The following CCDC59 variants were observed in gnomAD, a reference collection of about 807,000 sequenced individuals.
CCDC59 encodes the protein coiled-coil domain containing 59.
Under a neutral mutation model 30.5 loss-of-function variants are expected in CCDC59, and 27 were observed. The ratio of observed to expected loss-of-function variants is 0.89; its 90% CI spans 0.65 to 1.22. The LOEUF (loss-of-function observed/expected upper bound fraction) is 1.22, where lower values mean the gene tolerates loss of function less well. CCDC59 is among the 50% of genes most tolerant of loss of function. The pLI, the probability that CCDC59 is intolerant of heterozygous loss-of-function variation, is 0.00. For missense variants in CCDC59, 362 were observed against 284.4 expected (o/e 1.27, Z -1.96); for synonymous variants, 125 against 100.9 (o/e 1.24, Z -1.43).
rs1333077458 is a variant in CCDC59 at position 82,353,135 on chromosome 12, T to C, written c.*16A>G. 7 of 1,589,126 alleles carry C rather than the reference T, an allele frequency of 4.4e-6. No individual in the cohort carries two copies. The highest frequency in any genetic ancestry group is 4.1e-5 in the African/African-American group (3 of 73,814). On this transcript the variant is annotated 3_prime_UTR_variant, in exon 4 of 4. Transcript: ENST00000256151. Reference sequence around the variant, plus strand: ...CTAATAGGCAGCAGATATTTTAACCTGTAGGAACAAAATGTTTAACATTTT... The same window carrying C: ...CTAATAGGCAGCAGATATTTTAACCCGTAGGAACAAAATGTTTAACATTTT...
chr12:82,358,789 A>T (rs780334059), upstream of CCDC59: 1 of 1,613,324 alleles, frequency 6.2e-7, no homozygotes, highest in Non-Finnish European at 8.5e-7. Context: ...CTGCCCTCAG[A>T]GACGCGCCCC....
Position 82,353,008 on chromosome 12 carries a change from A to G in CCDC59, c.*143T>C, listed in dbSNP as rs1011930780. On this transcript the variant is annotated 3_prime_UTR_variant, in exon 4 of 4. Transcript: ENST00000256151. Reference sequence around the variant, plus strand: ...GAACATATTTAGAAAATTTTTTACCATAATAAAAATATGTGAACATCTTAT... The same window carrying G: ...GAACATATTTAGAAAATTTTTTACCGTAATAAAAATATGTGAACATCTTAT... The G allele has an allele frequency of 5.0e-6, 3 of 605,302 alleles. 1 individual carries two copies. Among genetic ancestry groups the G allele is most frequent in the South Asian group, 6.1e-5 (2 of 32,764 alleles). 37.5% of individuals were successfully genotyped at this position (605,302 alleles called of 1,614,324 possible).
Position 82,352,549 on chromosome 12 carries a change from T to C in CCDC59, c.*602A>G, listed in dbSNP as rs558729034. 6.6e-6 allele frequency: 1 copy of C among 152,216 alleles called. No individual in the cohort carries two copies. The highest frequency in any genetic ancestry group is 1.5e-5 in the Non-Finnish European group (1 of 68,036). 9.4% of individuals were successfully genotyped at this position (152,216 alleles called of 1,614,324 possible). A position where few individuals can be genotyped will look rare whatever the true frequency, so the allele number is the denominator to read the frequency against. On this transcript the variant is annotated 3_prime_UTR_variant, in exon 4 of 4. Transcript: ENST00000256151. ...GAAAGCTTAATTCTTGCTGTGACAC[T>C]GTGGGGTTTCCATCATTATTTAAAA...
rs1328269354 is a variant in CCDC59 at position 82,353,273 on chromosome 12, T to C, written c.604A>G (p.Arg202Gly). The change falls in exon 4 of 4, where the codon AGG (arginine) becomes GGG (glycine). Residue 202 changes from arginine to glycine, a missense_variant. Physicochemically the swap from Arg to Gly is moderately radical, Grantham distance 125. Coordinates refer to ENST00000256151, the MANE Select transcript of CCDC59 (RefSeq NM_014167.5). ...RRKQEREEAQ[R>G]QYKKKKMEVF... is the part of the protein sequence containing the mutation. ...TCCATTTTCTTCTTTTTGTACTGCC[T>C]TTGGGCTTCTTCTCTCTCCTGTTTT... The C allele has an allele frequency of 6.2e-7, 1 of 1,610,448 alleles. No homozygotes were observed. The highest frequency in any genetic ancestry group is 8.5e-7 in the Non-Finnish European group (1 of 1,178,860).
rs1880990824 is a variant in CCDC59, at chr12:82,355,884, CATG to C, written c.464+1073_464+1075del. 2.0e-5 allele frequency: 3 copies of C among 152,142 alleles called. No individual in the cohort carries two copies. In the South Asian group the frequency reaches 6.2e-4, roughly 31 times the overall value. The allele number at this position is 152,142 out of a possible 1,614,324, so 9.4% of individuals were successfully genotyped here. ...CAAAATAAACCGTAATCTTTAAAAG[CATG>C]ATTTTTTACCTTCCTTTCTCATGAT... On this transcript the variant is annotated intron_variant, in intron 2 of 3. Coordinates refer to ENST00000256151, the MANE Select transcript of CCDC59 (RefSeq NM_014167.5).
In CCDC59 at chr12:82,358,342, G is replaced by C. The variant is rs759016633; in HGVS notation, c.35C>G (p.Pro12Arg). The C allele has an allele frequency of 1.2e-6, 2 of 1,613,942 alleles. No individual in the cohort carries two copies. Among genetic ancestry groups the C allele is most frequent in the Non-Finnish European group, 1.7e-6 (2 of 1,180,018 alleles). ...TTCACCACGCGCCTCAATACCACCAGGCCGCCACTTCGCGGACCGCCTCAC... is the reference window on the plus strand; with the variant it reads ...TTCACCACGCGCCTCAATACCACCACGCCGCCACTTCGCGGACCGCCTCAC... ...APVRRSAKWR[P>R]GGIEARGEGV... Residue 12 changes from proline to arginine, a missense_variant, in exon 1 of 4, where the codon CCT (proline) becomes CGT (arginine). By Grantham distance (103) the Pro-to-Arg change is moderately radical. Transcript: ENST00000256151.
chr12:82,358,280 T>C lies in CCDC59; in HGVS notation c.97A>G (p.Arg33Gly), dbSNP rs765124134. The change falls in exon 1 of 4, where the codon AGA becomes GGA. Residue 33 changes from arginine to glycine, a missense_variant. Transcript: ENST00000256151. ...TGGTTAGGCCGCCATGTCTTCTGTCTCACATTCTTATTCCTGTACCCGACA... is the reference window on the plus strand; with the variant it reads ...TGGTTAGGCCGCCATGTCTTCTGTCCCACATTCTTATTCCTGTACCCGACA... ...STVGYRNKNV[R>G]QKTWRPNHPQ... is the part of the protein sequence containing the mutation. The C allele has an allele frequency of 1.9e-6, 3 of 1,614,052 alleles. No individual in the cohort carries two copies. Among genetic ancestry groups the C allele is most frequent in the Non-Finnish European group, 2.5e-6 (3 of 1,180,040 alleles).
intron 2 of CCDC59, chr12:82,356,757 G>T: frequency 2.2e-6 from 1 of 447,308 alleles, no homozygotes; most frequent in Non-Finnish European, 4.0e-6. Context: ...TTCCCATTAC[G>T]TTACTTTGTC....
In CCDC59 at chr12:82,357,235, T is replaced by C; in HGVS notation, c.189A>G (p.Ile63Met). The change falls in exon 2 of 4, where the codon ATA becomes ATG. Residue 63 changes from isoleucine (I) to methionine (M), a missense_variant. By Grantham distance (10) the Ile-to-Met change is conservative (BLOSUM62 1). Transcript: ENST00000256151. ...QGFAFRRKLK[I>M]QQSYKKLLRK... is the part of the protein sequence containing the mutation. Reference sequence around the variant, plus strand: ...GTAGCAATTTCTTGTAACTTTGCTGTATTTTCAGTTTTCTTCGAAAAGCAA... The same window carrying C: ...GTAGCAATTTCTTGTAACTTTGCTGCATTTTCAGTTTTCTTCGAAAAGCAA... The C allele has an allele frequency of 1.9e-6, 3 of 1,613,710 alleles. No individual in the cohort carries two copies. The highest frequency in any genetic ancestry group is 2.5e-6 in the Non-Finnish European group (3 of 1,179,786).
At position 82,353,330 on chromosome 12, in the gene CCDC59, T is replaced by A. The variant is rs746362430; in HGVS notation, c.565-18A>T. 1.3e-6 allele frequency: 2 copies of A among 1,580,592 alleles called. No individual in the cohort carries two copies. Among genetic ancestry groups the A allele is most frequent in the Non-Finnish European group, 1.7e-6 (2 of 1,165,588 alleles). On this transcript the variant is annotated intron_variant, in intron 3 of 3. Coordinates refer to ENST00000256151, the MANE Select transcript of CCDC59 (RefSeq NM_014167.5). Reference sequence around the variant, plus strand: ...TCGAATTCCTAAAATTATTAACATATGTAACTTTCATTAGCAACAAACAGT... The same window carrying A: ...TCGAATTCCTAAAATTATTAACATAAGTAACTTTCATTAGCAACAAACAGT...
chr12:82,357,010 C>T lies in CCDC59; in HGVS notation c.414G>A (p.Gln138=), dbSNP rs373386670. ...CSIDEPLFED[Q]CSFDQPQPEE... Reference sequence around the variant, plus strand: ...CTGGCTGAGGCTGGTCAAAGCTACACTGATCTTCAAATAAAGGCTCGTCAA... The same window carrying T: ...CTGGCTGAGGCTGGTCAAAGCTACATTGATCTTCAAATAAAGGCTCGTCAA... Residue 138 remains glutamine (Q), a synonymous_variant, in exon 2 of 4, where the codon CAG becomes CAA. Coordinates refer to ENST00000256151, the MANE Select transcript of CCDC59 (RefSeq NM_014167.5). 3.8e-5 allele frequency: 61 copies of T among 1,614,200 alleles called. No individual in the cohort carries two copies. The Admixed American group carries it at 9.7e-4, about 26-fold the overall frequency.
At chr12:82,353,453 T>C (rs1467344581) in intron 3 of CCDC59, 141 bp from the exon 4 acceptor site, 6 of 623,278 alleles carry the variant, frequency 9.6e-6, no homozygotes, top group South Asian at 2.7e-5. Flanking sequence ...TTTCTCCTAA[T>C]TGAAGCAAAG....
intron 1 of CCDC59, 65 bp downstream of exon 1, chr12:82,358,158 A>G (rs1428547277): frequency 6.3e-7 from 1 of 1,584,678 alleles, no homozygotes; most frequent in Non-Finnish European, 8.6e-7. Context: ...TCCAAGCTTC[A>G]GCGAATCTTA....
chr12:82,357,274 A>G lies in CCDC59; in HGVS notation c.155-5T>C, dbSNP rs772493909. ...TTCGAAAAGCAAAGCCTTGTCCTACATTGAGGAATATCATCCAAAATTACT... is the reference window on the plus strand; with the variant it reads ...TTCGAAAAGCAAAGCCTTGTCCTACGTTGAGGAATATCATCCAAAATTACT... On this transcript the variant is annotated splice_region_variant and splice_polypyrimidine_tract_variant and intron_variant, in intron 1 of 3. Transcript: ENST00000256151. 15 of 1,480,714 alleles carry G rather than the reference A, an allele frequency of 1.0e-5. No individual in the cohort carries two copies. The Middle Eastern group carries it at 8.9e-4, about 88-fold the overall frequency. The allele number at this position is 1,480,714 out of a possible 1,614,324, so 91.7% of individuals were successfully genotyped here.
In CCDC59 at chr12:82,357,211, T is replaced by A; in HGVS notation, c.213A>T (p.Leu71=). ...ACGTTTGAGCCTTCTTTTCCTTCCGTAGCAATTTCTTGTAACTTTGCTGTA... is the reference window on the plus strand; with the variant it reads ...ACGTTTGAGCCTTCTTTTCCTTCCGAAGCAATTTCTTGTAACTTTGCTGTA... The part of the protein sequence containing the change: ...LKIQQSYKKL[L]RKEKKAQTSL... The change falls in exon 2 of 4, where the codon CTA becomes CTT. Residue 71 remains leucine (L), a synonymous_variant. Coordinates refer to ENST00000256151, the MANE Select transcript of CCDC59 (RefSeq NM_014167.5). 1 of 1,614,178 alleles carries A rather than the reference T, an allele frequency of 6.2e-7. No individual in the cohort carries two copies. Among genetic ancestry groups the A allele is most frequent in the Admixed American group, 1.7e-5 (1 of 60,030 alleles).
chr12:82,356,821 T>C, intron 2 of CCDC59, 139 bp downstream of exon 2: 4 of 661,060 alleles, frequency 6.1e-6, no homozygotes, highest in Non-Finnish European at 9.6e-6. Context: ...AGAGCCTCCA[T>C]GAAAATGTTT....
chr12:82,357,327 T>G (rs1467204034), intron 1 of CCDC59, 58 bp from the exon 2 acceptor site: 12 of 1,407,926 alleles, frequency 8.5e-6, no homozygotes, highest in African/African-American at 1.4e-5. Flanking sequence ...GAACGAAGAA[T>G]GGAGCTGTTA....
chr12:82,358,137 T>C (rs761372907), intron 1 of CCDC59, 86 bp downstream of exon 1: 18 of 1,524,996 alleles, frequency 1.2e-5, no homozygotes, highest in Non-Finnish European at 1.5e-5. Flanking sequence ...GTCTGGTTCC[T>C]AAATCCTTCT....
chr12:82,354,594 G>C lies in CCDC59; in HGVS notation c.465C>G (p.Asn155Lys). ...TATTTTTCTTTGGAATTGTAAAGGA[G>C]CTTTTAATTGGGGGATGAGGAAACA... is the stretch of plus-strand genomic sequence containing the variant. ...QPEEQCIKTV[N>K]SFTIPKKNKK... is the part of the protein sequence containing the mutation. The change falls in exon 3 of 4, where the codon AAC becomes AAG. Residue 155 changes from asparagine to lysine, a missense_variant and splice_region_variant. Transcript: ENST00000256151. The C allele has an allele frequency of 6.4e-7, 1 of 1,568,492 alleles. No individual in the cohort carries two copies. The highest frequency in any genetic ancestry group is 8.7e-7 in the Non-Finnish European group (1 of 1,154,670).
Sources: allele counts gnomAD v4.1 joint callset, GRCh38; gene constraint gnomAD v4.1.1; transcripts MANE v1.5; gene names NCBI Gene and HGNC (gene_info 2026-07-23, HGNC 2026-07-21).